Variants in MEIOB observed in about 807,000 individuals in gnomAD.
MEIOB encodes meiosis specific with OB-fold, also known as meiosis-specific with OB domain-containing protein.
Under a neutral mutation model 53.1 loss-of-function variants are expected in MEIOB, and 50 were observed. The observed-to-expected ratio is 0.94, with a 90% CI of 0.75 to 1.19. The LOEUF is 1.19. Ranked by LOEUF, MEIOB falls within the 50% of genes most tolerant of loss-of-function variation. The pLI, the probability that MEIOB is intolerant of heterozygous loss-of-function variation, is 0.00. For missense variants in MEIOB, 551 were observed against 550.8 expected (o/e 1.00, Z 0.00); for synonymous variants, 192 against 182.5 (o/e 1.05, Z -0.42).
intron 7 of MEIOB, 108 bp from the exon 8 acceptor site, chr16:1,853,379 ATCCC>A: frequency 5.7e-6 from 5 of 883,160 alleles, no homozygotes; most frequent in African/African-American, 1.7e-5. Context: ...GGGGTCAGCC[ATCCC>A]CAAGGTGGTC....
chr16:1,853,475 C>T (rs1463937466), intron 7 of MEIOB, among the ~76,000 whole-genome samples: 1 of 152,208 alleles, frequency 6.6e-6, no homozygotes, highest in Non-Finnish European at 1.5e-5. Flanking sequence ...CTTCAACACA[C>T]ACTCTCCTCT....
rs1243062059 is a variant in MEIOB at position 1,862,049 on chromosome 16, T to C, written c.195A>G (p.Ala65=). 31 of 1,551,334 alleles carry C rather than the reference T, an allele frequency of 2.0e-5. No homozygotes were observed. The highest frequency in any genetic ancestry group is 2.7e-5 in the Non-Finnish European group (31 of 1,146,790). ...TGTAATCTTCATTGCCCCAGGAAGC[T>C]GCATTTACAAAATGTGCTGGTGAAT... ...IRDSPAHFVN[A]ASWGNEDYIK... The change falls in exon 4 of 14, where the codon GCA becomes GCG. Residue 65 remains alanine (A), a synonymous_variant. Transcript: ENST00000325962.
At chr16:1,834,942 C>A (rs771078885) in intron 13 of MEIOB, among the ~76,000 whole-genome samples, 2 of 89,968 alleles carry the variant, frequency 2.2e-5, no homozygotes, top group Non-Finnish European at 4.6e-5. Context: ...TCCCCCCCAC[C>A]CCCCCCCACT....
At position 1,860,456 on chromosome 16, in the gene MEIOB, C is replaced by G; in HGVS notation, c.279G>C (p.Leu93=). 1.9e-6 allele frequency: 3 copies of G among 1,545,528 alleles called. No individual in the cohort carries two copies. The highest frequency in any genetic ancestry group is 2.6e-6 in the Non-Finnish European group (3 of 1,141,978). ...CTCTTTCTATTTCCTTTCTTTGGATCAGAGGATTTTCAATTATCACTAAAA... is the reference window on the plus strand; with the variant it reads ...CTCTTTCTATTTCCTTTCTTTGGATGAGAGGATTTTCAATTATCACTAAAA... The part of the protein sequence containing the change: ...VGDCVIIENP[L]IQRKEIEREE... The change falls in exon 5 of 14, where the codon CTG becomes CTC. Residue 93 remains leucine, a synonymous_variant. Coordinates refer to ENST00000325962, the MANE Select transcript of MEIOB (RefSeq NM_001163560.3).
chr16:1,851,227 C>A (rs1899162169), intron 9 of MEIOB, among the ~76,000 whole-genome samples: 1 of 152,198 alleles, frequency 6.6e-6, no homozygotes, highest in African/African-American at 2.4e-5. Flanking sequence ...TCCTGCTGGC[C>A]TTGAACTCCT....
rs192279589 is a variant in MEIOB at position 1,846,735 on chromosome 16, G to A, written c.779-1772C>T. On this transcript the variant is annotated intron_variant, in intron 9 of 13. Coordinates refer to ENST00000325962, the MANE Select transcript of MEIOB (RefSeq NM_001163560.3). ...AAATACCATATGTTCTCACTCATAAGTGGGAGCTGAACAATGAGATAACAT... is the reference window on the plus strand; with the variant it reads ...AAATACCATATGTTCTCACTCATAAATGGGAGCTGAACAATGAGATAACAT... Among the ~76,000 whole-genome samples the A allele has an allele frequency of 4.6e-5, 7 of 152,226 alleles. 1 individual carries two copies. Among genetic ancestry groups the A allele is most frequent in the African/African-American group, 1.7e-4 (7 of 41,532 alleles).
intron 12 of MEIOB, 97 bp from the exon 13 acceptor site, chr16:1,837,967 A>T (rs1369418167): frequency 6.9e-7 from 1 of 1,447,976 alleles, no homozygotes; most frequent in African/African-American, 1.4e-5. Flanking sequence ...ATTAGAAATG[A>T]AATTTTATTT....
intron 1 of MEIOB, among the ~76,000 whole-genome samples, chr16:1,870,142 G>A (rs1899703990): frequency 6.6e-6 from 1 of 152,136 alleles, no homozygotes; most frequent in Non-Finnish European, 1.5e-5. Flanking sequence ...AAAGTGCTGG[G>A]ATTACAGGCG....
chr16:1,835,283 CAT>C (rs1219514318), intron 13 of MEIOB, among the ~76,000 whole-genome samples: 1 of 151,318 alleles, frequency 6.6e-6, no homozygotes, highest in South Asian at 2.1e-4. Flanking sequence ...AAAAGTATAA[CAT>C]ATGAAAAAGG....
chr16:1,860,382 C>G (rs1899412515), intron 5 of MEIOB, 21 bp downstream of exon 5: 2 of 1,348,612 alleles, frequency 1.5e-6, no homozygotes, highest in Non-Finnish European at 2.1e-6. Context: ...CGCACAATCT[C>G]TGTGCTAGAC....
At chr16:1,856,693 C>T (rs1204223547) in intron 6 of MEIOB, among the ~76,000 whole-genome samples, 2 of 151,042 alleles carry the variant, frequency 1.3e-5, no homozygotes, top group Non-Finnish European at 2.9e-5. Flanking sequence ...AACTCCTGAC[C>T]TTGTGATCCA....
At chr16:1,845,476 C>A (rs986668488) in intron 9 of MEIOB, among the ~76,000 whole-genome samples, 5 of 151,756 alleles carry the variant, frequency 3.3e-5, no homozygotes, top group African/African-American at 1.2e-4. Context: ...ACTGAGATAG[C>A]GCCACTGCAC....
intron 12 of MEIOB, 104 bp from the exon 13 acceptor site, chr16:1,837,974 A>G (rs1385130999): frequency 1.4e-6 from 2 of 1,443,020 alleles, no homozygotes; most frequent in Non-Finnish European, 1.8e-6. Context: ...ATGAAATTTT[A>G]TTTGCAGTAA....
intron 9 of MEIOB, among the ~76,000 whole-genome samples, chr16:1,849,559 A>G (rs1899111371): frequency 6.7e-6 from 1 of 150,092 alleles, no homozygotes; most frequent in Non-Finnish European, 1.5e-5. Flanking sequence ...AAAAAAAAAC[A>G]CCTAGATGAC....
At chr16:1,858,427 C>T (rs867281590) in intron 5 of MEIOB, among the ~76,000 whole-genome samples, 32 of 152,264 alleles carry the variant, frequency 2.1e-4, no homozygotes, top group Admixed American at 5.2e-4. Context: ...CCTCCCGGCC[C>T]TTGCACTCTG....
In MEIOB at chr16:1,844,950, A is replaced by C; in HGVS notation, c.792T>G (p.Ala264=). The change falls in exon 10 of 14, where the codon GCT becomes GCG. Residue 264 remains alanine (A), a synonymous_variant. Transcript: ENST00000325962. ...CTCGTATAAAATTCAGCAGAATGTT[A>C]GCTTCTGGTATATCTTAAATTGAAA... ...IITTNPDIPE[A]NILLNFIREN... The C allele has an allele frequency of 6.6e-7, 1 of 1,503,948 alleles. No homozygotes were observed. The allele number at this position is 1,503,948 out of a possible 1,614,324, so 93.2% of individuals were successfully genotyped here. A position where few individuals can be genotyped will look rare whatever the true frequency, so the allele number is the denominator to read the frequency against.
intron 1 of MEIOB, among the ~76,000 whole-genome samples, chr16:1,868,514 C>T (rs145175468): frequency 0.081 from 12,126 of 150,612 alleles, 686 homozygotes; most frequent in Middle Eastern, 0.17. Context: ...GGCAACAGAG[C>T]GAGACTCTGT....
chr16:1,844,238 T>G (rs1335927072), intron 10 of MEIOB, among the ~76,000 whole-genome samples: 1 of 150,808 alleles, frequency 6.6e-6, no homozygotes, highest in Non-Finnish European at 1.5e-5. Flanking sequence ...TTCTCCTGCC[T>G]CAGCCTCCTG....
intron 11 of MEIOB, 126 bp downstream of exon 11, chr16:1,841,694 A>G (rs1044207770): frequency 1.8e-6 from 1 of 558,670 alleles, no homozygotes; most frequent in Non-Finnish European, 2.8e-6. Flanking sequence ...TTTTTTACAC[A>G]TTTATCTCCA....
Sources: gnomAD v4.1 joint callset for allele counts (sites outside exome capture counted in the v4.1 genomes callset) on GRCh38, gnomAD v4.1.1 for gene constraint, MANE v1.5 for transcripts, NCBI Gene and HGNC (gene_info 2026-07-23, HGNC 2026-07-21) for gene names.